STYXL1: variants seen among roughly 807,000 people sequenced by gnomAD.
The protein encoded by STYXL1 is serine/threonine/tyrosine-interacting-like protein 1.
STYXL1 carries 32 observed loss-of-function variants against 36.4 expected under a neutral mutation model. The observed-to-expected ratio is 0.88, with a 90% CI of 0.66 to 1.18. The LOEUF (loss-of-function observed/expected upper bound fraction) is 1.18, where lower values mean the gene tolerates loss of function less well. STYXL1 is among the 50% of genes most tolerant of loss of function. The pLI is 0.00. For missense variants in STYXL1, 354 were observed against 394.1 expected (o/e 0.90, Z 0.86); for synonymous variants, 133 against 144.1 (o/e 0.92, Z 0.55).
chr7:76,029,232 C>T (rs1264935955), intron 2 of STYXL1, among the ~76,000 whole-genome samples: 1 of 151,994 alleles, frequency 6.6e-6, no homozygotes, highest in Non-Finnish European at 1.5e-5. Flanking sequence ...CTGCAATCTC[C>T]GTCTCCTGGG....
Position 76,047,971 on chromosome 7 carries a change from C to A in STYXL1, c.-314G>T. 6.8e-7 allele frequency: 1 copy of A among 1,476,320 alleles called. No homozygotes were observed. The highest frequency in any genetic ancestry group is 2.2e-5 in the Admixed American group (1 of 46,322). 91.5% of individuals were successfully genotyped at this position (1,476,320 alleles called of 1,614,324 possible). ...AAACACCGGGGTTGCCAGGATGGTCCCACAGCTTTCCTTTCCGACTCCCGG... is the reference window on the plus strand; with the variant it reads ...AAACACCGGGGTTGCCAGGATGGTCACACAGCTTTCCTTTCCGACTCCCGG... On this transcript the variant is annotated 5_prime_UTR_variant, in exon 1 of 9. Coordinates refer to ENST00000359697, the MANE Select transcript of STYXL1 (RefSeq NM_001317785.2).
At chr7:76,015,891 A>G (rs1793240728) in intron 4 of STYXL1, among the ~76,000 whole-genome samples, 1 of 152,144 alleles carries the variant, frequency 6.6e-6, no homozygotes. Flanking sequence ...ACATGAAAAC[A>G]CTAGACTGGC....
At chr7:76,041,120 T>C (rs556084205) in intron 1 of STYXL1, among the ~76,000 whole-genome samples, 55 of 149,394 alleles carry the variant, frequency 3.7e-4, no homozygotes, top group African/African-American at 1.4e-3. Context: ...GAGAATCACT[T>C]GAGGCCAGGA....
intron 3 of STYXL1, among the ~76,000 whole-genome samples, chr7:76,025,221 G>A (rs1430248697): frequency 6.7e-6 from 1 of 149,380 alleles, no homozygotes; most frequent in Admixed American, 6.8e-5. Flanking sequence ...TCTGCTAACT[G>A]GGAAGCTAGA....
intron 5 of STYXL1, among the ~76,000 whole-genome samples, chr7:76,011,568 G>C (rs1792554582): frequency 2.0e-5 from 3 of 152,178 alleles, no homozygotes; most frequent in Admixed American, 2.0e-4. Flanking sequence ...TGTTGCTAAG[G>C]GCAGGAAGGG....
At chr7:76,039,863 T>C (rs530088001) in intron 1 of STYXL1, among the ~76,000 whole-genome samples, 1 of 152,038 alleles carries the variant, frequency 6.6e-6, no homozygotes, top group Non-Finnish European at 1.5e-5. Context: ...GCCAGCTTAG[T>C]CTCAAACTCC....
At chr7:76,001,873 C>T (rs1790983028) in intron 7 of STYXL1, among the ~76,000 whole-genome samples, 1 of 145,344 alleles carries the variant, frequency 6.9e-6, no homozygotes, top group South Asian at 2.2e-4. Context: ...CTCCTGACCT[C>T]GGGTGATCTG....
In STYXL1 at chr7:76,014,082, G is replaced by A. The variant is rs189333213; in HGVS notation, c.308-195C>T. ...CAACCTCTGCCTCCTGGGTTCAAGC[G>A]ATTCTCCTGCCTCAGCCTCCCAAGT... On this transcript the variant is annotated intron_variant, in intron 4 of 8. Coordinates refer to ENST00000359697, the MANE Select transcript of STYXL1 (RefSeq NM_001317785.2). 7.7e-3 allele frequency among the ~76,000 whole-genome samples: 1,169 copies of A among 151,108 alleles called. 18 individuals are homozygous for A. Among genetic ancestry groups the A allele is most frequent in the African/African-American group, 0.027 (1,095 of 41,102 alleles).
intron 7 of STYXL1, among the ~76,000 whole-genome samples, chr7:76,003,446 G>A (rs981206109): frequency 1.3e-5 from 2 of 152,208 alleles, no homozygotes; most frequent in Admixed American, 1.3e-4. Context: ...ATGAGCATGT[G>A]CACTTGTGGG....
At chr7:76,028,562 T>G in intron 3 of STYXL1, 80 bp downstream of exon 3, 1 of 1,322,632 alleles carries the variant, frequency 7.6e-7, no homozygotes, top group Non-Finnish European at 1.1e-6. Flanking sequence ...GCCCGCTGGA[T>G]TGAGGGTGAA....
intron 1 of STYXL1, among the ~76,000 whole-genome samples, chr7:76,033,552 A>AAC (rs1554580032): frequency 6.6e-6 from 1 of 151,984 alleles, no homozygotes; most frequent in East Asian, 1.9e-4. Flanking sequence ...TCTTGCTCTA[A>AAC]ACGGTTAGGC....
chr7:76,017,730 AC>A (rs147925078), intron 4 of STYXL1, among the ~76,000 whole-genome samples: 40,080 of 151,258 alleles, frequency 0.26, 6,819 homozygotes, highest in Non-Finnish European at 0.38. Context: ...TACTGAAAAT[AC>A]AAAAAAATAG....
chr7:76,007,537 C>A (rs57086307), intron 5 of STYXL1, among the ~76,000 whole-genome samples: 1 of 152,062 alleles, frequency 6.6e-6, no homozygotes, highest in Non-Finnish European at 1.5e-5. Context: ...GCCCTGGAAC[C>A]AACCTCCATG....
At chr7:76,028,254 G>A (rs146854711) in intron 3 of STYXL1, among the ~76,000 whole-genome samples, 2 of 152,010 alleles carry the variant, frequency 1.3e-5, no homozygotes, top group Non-Finnish European at 2.9e-5. Flanking sequence ...GTCTGGTCTT[G>A]AACTCCTGAC....
intron 5 of STYXL1, among the ~76,000 whole-genome samples, chr7:76,011,335 C>T (rs769704843): frequency 6.6e-4 from 101 of 152,170 alleles, no homozygotes; most frequent in Admixed American, 1.2e-3. Flanking sequence ...CCAGACATCA[C>T]GTCATTTCAC....
chr7:76,021,993 C>G lies in STYXL1; in HGVS notation c.166-1G>C, dbSNP rs868985951. ...CCGGGAGAAGATATTCATTATTTTTCTTAAAAAAAAAAACACACACACACA... is the reference window on the plus strand; with the variant it reads ...CCGGGAGAAGATATTCATTATTTTTGTTAAAAAAAAAAACACACACACACA... On this transcript the variant is annotated splice_acceptor_variant, in intron 3 of 8. Transcript: ENST00000359697. LOFTEE classifies it high-confidence loss of function. 11 of 1,595,182 alleles carry G rather than the reference C, an allele frequency of 6.9e-6. No homozygotes were observed. The highest frequency in any genetic ancestry group is 9.4e-6 in the Non-Finnish European group (11 of 1,176,234).
At chr7:76,014,352 G>A (rs984794105) in intron 4 of STYXL1, among the ~76,000 whole-genome samples, 1 of 149,898 alleles carries the variant, frequency 6.7e-6, no homozygotes, top group Non-Finnish European at 1.5e-5. Flanking sequence ...CTTACCACCG[G>A]GTTTTTTTTG....
chr7:76,001,008 A>C lies in STYXL1; in HGVS notation c.698-6T>G, dbSNP rs781844572. ...GCCAAGGTGATGGTGAATTTCTGCAAAAAGAAGTGGGGGGTTGGGTCATGC... is the reference window on the plus strand; with the variant it reads ...GCCAAGGTGATGGTGAATTTCTGCACAAAGAAGTGGGGGGTTGGGTCATGC... On this transcript the variant is annotated splice_polypyrimidine_tract_variant and splice_region_variant and intron_variant, in intron 7 of 8. Transcript: ENST00000359697. 1 of 1,611,642 alleles carries C rather than the reference A, an allele frequency of 6.2e-7. No homozygotes were observed. Among genetic ancestry groups the C allele is most frequent in the South Asian group, 1.1e-5 (1 of 91,040 alleles).
At chr7:76,041,311 T>C (rs1230468138) in intron 1 of STYXL1, among the ~76,000 whole-genome samples, 4 of 152,184 alleles carry the variant, frequency 2.6e-5, no homozygotes, top group Non-Finnish European at 5.9e-5. Context: ...GATTGTGATA[T>C]AAGCCCACTG....
Sources: gnomAD v4.1 joint callset for allele counts (sites outside exome capture counted in the v4.1 genomes callset) on GRCh38, gnomAD v4.1.1 for gene constraint, MANE v1.5 for transcripts, NCBI Gene and HGNC (gene_info 2026-07-23, HGNC 2026-07-21) for gene names.